PRKG1: variants seen among roughly 807,000 people sequenced by gnomAD.
PRKG1 encodes the protein cGMP-dependent protein kinase 1.
A neutral mutation model predicts 88.1 loss-of-function variants in PRKG1; 35 were observed. The observed-to-expected ratio is 0.40, with a 90% CI of 0.30 to 0.53. The LOEUF (loss-of-function observed/expected upper bound fraction) is 0.53, where lower values mean the gene tolerates loss of function less well. Ranked by LOEUF, PRKG1 falls within the 20% of genes least tolerant of loss-of-function variation. The pLI, the probability that PRKG1 is intolerant of heterozygous loss-of-function variation, is 0.59. For missense variants in PRKG1, 540 were observed against 839.8 expected (o/e 0.64, Z 4.41); for synonymous variants, 303 against 292.5 (o/e 1.04, Z -0.37).
At chr10:51,292,291 T>A (rs188852288) in intron 2 of PRKG1, among the ~76,000 whole-genome samples, 1 of 152,284 alleles carries the variant, frequency 6.6e-6, no homozygotes, top group African/African-American at 2.4e-5. Context: ...GTCCACAATC[T>A]CACTCTGCAT....
At chr10:52,241,580 T>C (rs1840863452) in intron 9 of PRKG1, among the ~76,000 whole-genome samples, 1 of 152,172 alleles carries the variant, frequency 6.6e-6, no homozygotes, top group Admixed American at 6.6e-5. Context: ...ACTACAACCA[T>C]GACTATATCC....
chr10:52,145,128 A>G (rs10824131), intron 8 of PRKG1, among the ~76,000 whole-genome samples: 60,494 of 152,032 alleles, frequency 0.4, 14,788 homozygotes, highest in Non-Finnish European at 0.53. Flanking sequence ...ACTTTTTACA[A>G]TCAGATGATG....
intron 4 of PRKG1, among the ~76,000 whole-genome samples, chr10:51,840,636 T>A (rs1840250891): frequency 6.6e-6 from 1 of 152,080 alleles, no homozygotes; most frequent in Non-Finnish European, 1.5e-5. Context: ...AACCTCTGCC[T>A]CCTAGGTTCA....
intron 3 of PRKG1, among the ~76,000 whole-genome samples, chr10:51,548,200 T>A (rs1295329127): frequency 6.6e-6 from 1 of 152,080 alleles, no homozygotes; most frequent in Admixed American, 6.6e-5. Flanking sequence ...ATTGTCCCCC[T>A]GATGATAACC....
chr10:51,551,747 C>T (rs1044201511), intron 3 of PRKG1, among the ~76,000 whole-genome samples: 3 of 151,682 alleles, frequency 2.0e-5, no homozygotes, highest in South Asian at 2.1e-4. Flanking sequence ...GAGACTCTTT[C>T]GACTACATCA....
intron 1 of PRKG1, among the ~76,000 whole-genome samples, chr10:51,085,906 A>T (rs1381804808): frequency 1.3e-5 from 2 of 152,166 alleles, no homozygotes; most frequent in Non-Finnish European, 2.9e-5. Flanking sequence ...TTTAAAAAGA[A>T]TTTTATCCTT....
chr10:51,616,378 G>A (rs901446237), intron 3 of PRKG1, among the ~76,000 whole-genome samples: 2 of 152,200 alleles, frequency 1.3e-5, no homozygotes, highest in Non-Finnish European at 2.9e-5. Context: ...TGGTGTGTGG[G>A]TGATGGCAGT....
intron 3 of PRKG1, among the ~76,000 whole-genome samples, chr10:51,595,172 T>A (rs996128111): frequency 6.6e-6 from 1 of 152,038 alleles, no homozygotes; most frequent in African/African-American, 2.4e-5. Context: ...CATAGTGAGA[T>A]CCCATCTCTA....
intron 1 of PRKG1, among the ~76,000 whole-genome samples, chr10:51,019,626 GA>G (rs764975228): frequency 2.7e-5 from 4 of 150,002 alleles, no homozygotes; most frequent in African/African-American, 7.4e-5. Flanking sequence ...GGCAACAAAA[GA>G]AAAAAAATAG....
intron 2 of PRKG1, among the ~76,000 whole-genome samples, chr10:51,317,652 G>C (rs1841356751): frequency 6.6e-6 from 1 of 152,176 alleles, no homozygotes; most frequent in African/African-American, 2.4e-5. Context: ...TCAAGGACAA[G>C]GAAGATGAAT....
chr10:51,918,998 G>C (rs756058830), intron 5 of PRKG1, among the ~76,000 whole-genome samples: 1 of 152,078 alleles, frequency 6.6e-6, no homozygotes, highest in Non-Finnish European at 1.5e-5. Context: ...AAATCAGTTG[G>C]GCTTTCAGTT....
At chr10:51,985,123 A>T (rs1844120653) in intron 5 of PRKG1, among the ~76,000 whole-genome samples, 2 of 152,166 alleles carry the variant, frequency 1.3e-5, no homozygotes, top group South Asian at 4.1e-4. Context: ...TAGAGCATGG[A>T]GCACATCTTC....
At chr10:51,830,548 G>GTTT (rs1022530024) in intron 4 of PRKG1, among the ~76,000 whole-genome samples, 41 of 116,210 alleles carry the variant, frequency 3.5e-4, no homozygotes, top group African/African-American at 3.7e-4. Context: ...CTCTTAAAGT[G>GTTT]TTTTTTTTTT....
intron 8 of PRKG1, among the ~76,000 whole-genome samples, chr10:52,149,529 G>A (rs1271065628): frequency 1.3e-5 from 2 of 152,002 alleles, no homozygotes; most frequent in African/African-American, 2.4e-5. Flanking sequence ...CTAAACCTGT[G>A]GGACTGGAGT....
At chr10:51,637,873 G>A in intron 3 of PRKG1, among the ~76,000 whole-genome samples, 1 of 152,154 alleles carries the variant, frequency 6.6e-6, no homozygotes, top group Non-Finnish European at 1.5e-5. Context: ...CATGGCACAT[G>A]TTAGCCTATG....
intron 3 of PRKG1, among the ~76,000 whole-genome samples, chr10:51,641,412 C>G (rs1020405122): frequency 2.0e-5 from 3 of 152,098 alleles, no homozygotes; most frequent in African/African-American, 7.2e-5. Flanking sequence ...ATTTTTTAGT[C>G]TACAGGTAAG....
chr10:51,826,096 T>G (rs558258475), intron 4 of PRKG1, among the ~76,000 whole-genome samples: 1 of 152,268 alleles, frequency 6.6e-6, no homozygotes, highest in South Asian at 2.1e-4. Context: ...TCTTATCATC[T>G]CTTTCTCAGA....
At chr10:51,477,882 A>G (rs1413904251) in intron 3 of PRKG1, among the ~76,000 whole-genome samples, 2 of 152,010 alleles carry the variant, frequency 1.3e-5, no homozygotes, top group Non-Finnish European at 2.9e-5. Context: ...TACTTGGGGA[A>G]GTTGGTTCAT....
rs943361083 is a variant in PRKG1 at position 51,511,816 on chromosome 10, A to G, written c.592+43980A>G. On this transcript the variant is annotated intron_variant, in intron 3 of 17. Coordinates refer to ENST00000373980, the MANE Select transcript of PRKG1 (RefSeq NM_006258.4). ...CCAACAGAAATGCATATAGGTAGCA[A>G]CGATCATAGTCAAGAATATTCAAAG... 3.9e-5 allele frequency among the ~76,000 whole-genome samples: 6 copies of G among 152,352 alleles called. No homozygotes were observed. The East Asian group carries it at 1.2e-3, about 29-fold the overall frequency.
Sources: gnomAD v4.1 joint callset for allele counts (sites outside exome capture counted in the v4.1 genomes callset) on GRCh38, gnomAD v4.1.1 for gene constraint, MANE v1.5 for transcripts, NCBI Gene and HGNC (gene_info 2026-07-23, HGNC 2026-07-21) for gene names.